Variants in LOXL2 observed in about 807,000 individuals in gnomAD.
LOXL2 encodes the protein lysyl oxidase homolog 2.
A neutral mutation model predicts 93.0 loss-of-function variants in LOXL2; 70 were observed. The observed-to-expected ratio is 0.75, with a 90% CI of 0.62 to 0.92. LOXL2 has a LOEUF of 0.92. Among genes scored for constraint, LOXL2 ranks in the 40% least tolerant of loss-of-function variants. The probability of loss-of-function intolerance (pLI) is 0.00; values close to 1 mark genes in which losing one functional copy is unlikely to be tolerated. For synonymous variants in LOXL2, 438 were observed against 413.2 expected, an observed-to-expected ratio of 1.06 and a Z score of -0.73; for missense variants, 973 against 1,054.9, an observed-to-expected ratio of 0.92 and a Z score of 1.08.
intron 3 of LOXL2, among the ~76,000 whole-genome samples, chr8:23,354,588 CTGTG>C (rs35274565): frequency 5.3e-5 from 8 of 150,876 alleles, no homozygotes; most frequent in South Asian, 2.1e-4. Flanking sequence ...CATCCCTTCT[CTGTG>C]TGTGTGTGTG....
rs922454575 is a variant in LOXL2, at chr8:23,394,983, C to T, written c.-84+8971G>A. On this transcript the variant is annotated intron_variant, in intron 1 of 13. Transcript: ENST00000389131. Reference sequence around the variant, plus strand: ...GAGGCTTAAAAACATTAGGGGAGCACCGTGGCTCCCGCCTGTAATCCCAGC... The same window carrying T: ...GAGGCTTAAAAACATTAGGGGAGCATCGTGGCTCCCGCCTGTAATCCCAGC... Among the ~76,000 whole-genome samples the T allele has an allele frequency of 2.6e-5, 4 of 152,138 alleles. No individual in the cohort carries two copies. In the South Asian group the frequency reaches 8.3e-4, roughly 31 times the overall value.
At position 23,302,036 on chromosome 8, in the gene LOXL2, G is replaced by T. The variant is rs957576291; in HGVS notation, c.2124C>A (p.Tyr708Ter). 9 of 1,613,996 alleles carry T rather than the reference G, an allele frequency of 5.6e-6. No homozygotes were observed. The highest frequency in any genetic ancestry group is 7.6e-6 in the Non-Finnish European group (9 of 1,179,988). Residue 708 changes from tyrosine to a stop codon, truncating the protein, a stop_gained, in exon 12 of 14, where the codon TAC (tyrosine) becomes TAA (stop). Coordinates refer to ENST00000389131, the MANE Select transcript of LOXL2 (RefSeq NM_002318.3). LOFTEE classifies it high-confidence loss of function. ...TTCCCACCCACCTCACCTGGAACAG[G>T]TAGTCTCCAGGGGGCACGTCAGTGA... ...VDITDVPPGD[Y>*]LFQVVINPNF...
chr8:23,298,199 G>C (rs1803070965), intron 13 of LOXL2, 77 bp from the exon 14 acceptor site: 2 of 1,069,484 alleles, frequency 1.9e-6, no homozygotes, highest in African/African-American at 3.1e-5. Context: ...CCAGGGGAGT[G>C]GGCCTCAGGG....
intron 3 of LOXL2, among the ~76,000 whole-genome samples, chr8:23,346,926 A>G (rs903982219): frequency 6.6e-6 from 1 of 152,204 alleles, no homozygotes; most frequent in Non-Finnish European, 1.5e-5. Flanking sequence ...TGTCAACTCT[A>G]GCCAGCCTCT....
At chr8:23,306,636 A>C (rs1803233225) in intron 10 of LOXL2, among the ~76,000 whole-genome samples, 1 of 152,200 alleles carries the variant, frequency 6.6e-6, no homozygotes, top group Admixed American at 6.5e-5. Flanking sequence ...AGTGAAAGGG[A>C]GTCTCTCCTC....
chr8:23,365,938 A>G (rs909419621), intron 2 of LOXL2: 2 of 152,096 alleles, frequency 1.3e-5, no homozygotes, highest in Non-Finnish European at 1.5e-5. Context: ...CTTCCCTTTC[A>G]TATTCCCTCC....
chr8:23,302,082 A>G lies in LOXL2; in HGVS notation c.2078T>C (p.Ile693Thr), dbSNP rs367787368. Residue 693 changes from isoleucine to threonine, a missense_variant, in exon 12 of 14, where the codon ATC becomes ACC. Physicochemically the swap from Ile to Thr is moderately conservative, Grantham distance 89. Transcript: ENST00000389131. ...AGTGATGTCAACCCACTGGCAGTCG[A>G]TGTCATGGCGGTACATGTCCCAGCA... ...MGCWDMYRHD[I>T]DCQWVDITDV... is the part of the protein sequence containing the mutation. 1 of 1,614,002 alleles carries G rather than the reference A, an allele frequency of 6.2e-7. No individual in the cohort carries two copies. Among genetic ancestry groups the G allele is most frequent in the Non-Finnish European group, 8.5e-7 (1 of 1,180,004 alleles).
rs186955116 is a variant in LOXL2, at chr8:23,298,532, T to C, written c.2245+304A>G. On this transcript the variant is annotated intron_variant, in intron 13 of 13. Coordinates refer to ENST00000389131, the MANE Select transcript of LOXL2 (RefSeq NM_002318.3). ...ATAGGCAGAGCCCACAGATTGCTGA[T>C]GCCCACATTTTTGAGGTCACATACA... Among the ~76,000 whole-genome samples the C allele has an allele frequency of 1.9e-4, 29 of 152,340 alleles. No individual in the cohort carries two copies. The East Asian group carries it at 5.6e-3, about 29-fold the overall frequency.
intron 6 of LOXL2, among the ~76,000 whole-genome samples, chr8:23,326,474 C>G (rs991610895): frequency 6.6e-6 from 1 of 152,108 alleles, no homozygotes; most frequent in Non-Finnish European, 1.5e-5. Context: ...TCCAGGGAGG[C>G]CAGGTGCAGT....
intron 3 of LOXL2, among the ~76,000 whole-genome samples, chr8:23,349,394 G>C (rs1403872159): frequency 2.0e-5 from 3 of 151,998 alleles, no homozygotes; most frequent in Admixed American, 6.6e-5. Flanking sequence ...CAATCCTCAG[G>C]GAAAATGTTA....
At chr8:23,323,694 G>A (rs567218282) in intron 6 of LOXL2, among the ~76,000 whole-genome samples, 46 of 140,698 alleles carry the variant, frequency 3.3e-4, no homozygotes, top group Non-Finnish European at 5.9e-4. Flanking sequence ...GCCAGATCGG[G>A]ATTTTTTTTT....
chr8:23,304,375 T>C (rs547014417), intron 10 of LOXL2, among the ~76,000 whole-genome samples: 4 of 152,212 alleles, frequency 2.6e-5, no homozygotes, highest in Non-Finnish European at 5.9e-5. Flanking sequence ...TCCCGAAGCC[T>C]GCACTGCCCA....
chr8:23,395,424 A>G (rs1029590713), intron 1 of LOXL2, among the ~76,000 whole-genome samples: 2 of 151,810 alleles, frequency 1.3e-5, no homozygotes, highest in Non-Finnish European at 2.9e-5. Context: ...TAAGGCTGGG[A>G]GGATAGGCGG....
At chr8:23,361,769 G>A (rs1193577250) in intron 2 of LOXL2, among the ~76,000 whole-genome samples, 3 of 152,154 alleles carry the variant, frequency 2.0e-5, no homozygotes, top group Non-Finnish European at 2.9e-5. Flanking sequence ...GAACCCGGGA[G>A]ACAGAGGTTG....
Position 23,341,006 on chromosome 8 carries a change from A to G in LOXL2, c.729T>C (p.Asn243=). The G allele has an allele frequency of 6.2e-7, 1 of 1,614,054 alleles. No individual in the cohort carries two copies. Among genetic ancestry groups the G allele is most frequent in the African/African-American group, 1.3e-5 (1 of 75,048 alleles). Residue 243 remains asparagine, a synonymous_variant, in exon 4 of 14, where the codon AAT becomes AAC. Transcript: ENST00000389131. ...MFGFPGERTY[N]TKVYKMFASR... is the part of the protein sequence containing the mutation. ...AGTCCTCTTACTTGTACACTTTGGT[A>G]TTGTATGTCCTCTCCCCAGGGAAGC...
intron 2 of LOXL2, among the ~76,000 whole-genome samples, chr8:23,360,826 G>A (rs1804277075): frequency 6.6e-6 from 1 of 152,200 alleles, no homozygotes; most frequent in Admixed American, 6.5e-5. Context: ...ATCCATAGCA[G>A]AGGCTGAACT....
chr8:23,401,685 G>A (rs552655035), intron 1 of LOXL2, among the ~76,000 whole-genome samples: 5 of 152,224 alleles, frequency 3.3e-5, no homozygotes, highest in Admixed American at 6.5e-5. Flanking sequence ...CAACACCTTC[G>A]CTGATGGTCA....
chr8:23,350,843 GTAA>G (rs1248207830), intron 3 of LOXL2, among the ~76,000 whole-genome samples: 4 of 152,184 alleles, frequency 2.6e-5, no homozygotes, highest in Non-Finnish European at 5.9e-5. Flanking sequence ...ACTTGGGTAG[GTAA>G]CAGAGGCTGC....
intron 8 of LOXL2, among the ~76,000 whole-genome samples, chr8:23,317,924 G>C (rs62503971): frequency 0.56 from 84,218 of 150,752 alleles, 25,729 homozygotes; most frequent in Non-Finnish European, 0.69. Context: ...GATCGTCAGA[G>C]ACAGACCATC....
Sources: allele counts gnomAD v4.1 joint callset (sites outside exome capture counted in the v4.1 genomes callset), GRCh38; gene constraint gnomAD v4.1.1; transcripts MANE v1.5; gene names NCBI Gene and HGNC (gene_info 2026-07-23, HGNC 2026-07-21).